IL17F: variants seen among roughly 807,000 people sequenced by gnomAD.
IL17F encodes interleukin-17F.
A neutral mutation model predicts 8.3 loss-of-function variants in IL17F; 6 were observed. The ratio of observed to expected loss-of-function variants is 0.73; its 90% CI spans 0.40 to 1.43. IL17F has a LOEUF of 1.43. Among genes scored for constraint, IL17F ranks in the 40% most tolerant of loss-of-function variants. IL17F has a pLI of 0.02. For missense variants in IL17F, 204 were observed against 209.6 expected, an observed-to-expected ratio of 0.97 and a Z score of 0.17; for synonymous variants, 98 against 81.6, an observed-to-expected ratio of 1.20 and a Z score of -1.08.
upstream of IL17F, chr6:52,244,666 G>T: frequency 1.8e-6 from 1 of 559,264 alleles, no homozygotes; most frequent in Non-Finnish European, 3.2e-6. Flanking sequence ...CTAAAGAAAG[G>T]GATGACAGGA....
chr6:52,238,999 T>A (rs1372833516), intron 1 of IL17F, 49 bp from the exon 2 acceptor site: 23 of 1,482,932 alleles, frequency 1.6e-5, no homozygotes, highest in Non-Finnish European at 2.1e-5. Context: ...CCTCACCTAC[T>A]AGCAAGAGAT....
At chr6:52,242,399 C>T (rs1354858898) in intron 1 of IL17F, among the ~76,000 whole-genome samples, 3 of 152,216 alleles carry the variant, frequency 2.0e-5, no homozygotes, top group African/African-American at 7.2e-5. Context: ...GAGAATTTGC[C>T]TCAACTACTT....
At chr6:52,241,777 G>A (rs916478040) in intron 1 of IL17F, among the ~76,000 whole-genome samples, 1 of 152,162 alleles carries the variant, frequency 6.6e-6, no homozygotes, top group Non-Finnish European at 1.5e-5. Flanking sequence ...TAACTTGATT[G>A]GGTTCACCAG....
chr6:52,244,308 G>A, intron 1 of IL17F, 89 bp downstream of exon 1: 2 of 1,234,382 alleles, frequency 1.6e-6, no homozygotes, highest in Non-Finnish European at 2.4e-6. Flanking sequence ...ATTCCAAAAA[G>A]ACCCCAATCA....
chr6:52,240,869 G>A (rs9382084), intron 1 of IL17F, among the ~76,000 whole-genome samples: 2 of 150,646 alleles, frequency 1.3e-5, no homozygotes, highest in African/African-American at 2.5e-5. Flanking sequence ...TCTTAGAAGC[G>A]ATGACTCTGT....
At chr6:52,244,217 T>G (rs1764122258) in intron 1 of IL17F, among the ~76,000 whole-genome samples, 180 bp downstream of exon 1, 1 of 152,198 alleles carries the variant, frequency 6.6e-6, no homozygotes, top group African/African-American at 2.4e-5. Flanking sequence ...TTTATGCCAT[T>G]ATAACTTTTC....
At chr6:52,244,043 G>A (rs942267146) in intron 1 of IL17F, among the ~76,000 whole-genome samples, 1 of 152,082 alleles carries the variant, frequency 6.6e-6, no homozygotes, top group Non-Finnish European at 1.5e-5. Flanking sequence ...ACAGGCGTGA[G>A]CCACCAGGCT....
At chr6:52,245,404 A>G (rs1764143989), upstream of IL17F, among the ~76,000 whole-genome samples, 1 of 152,210 alleles carries the variant, frequency 6.6e-6, no homozygotes, top group Admixed American at 6.5e-5. Flanking sequence ...CTTGAGTTTG[A>G]TTAGGCTTGA....
upstream of IL17F, chr6:52,244,530 G>A (rs1764129039): frequency 1.8e-6 from 2 of 1,125,290 alleles, no homozygotes; most frequent in Non-Finnish European, 2.7e-6. Context: ...TAGTTTTATA[G>A]CAATCATTGC....
chr6:52,237,181 C>T lies in IL17F; in HGVS notation c.255-13G>A, dbSNP rs761606944. Reference sequence around the variant, plus strand: ...GTCCCAAGTGACACTGCAGGAGGAGCAAGCCAAAGCACAATGGTGAGGCAT... The same window carrying T: ...GTCCCAAGTGACACTGCAGGAGGAGTAAGCCAAAGCACAATGGTGAGGCAT... On this transcript the variant is annotated splice_polypyrimidine_tract_variant and intron_variant, in intron 2 of 2. Coordinates refer to ENST00000336123, the MANE Select transcript of IL17F (RefSeq NM_052872.4). The T allele has an allele frequency of 2.5e-6, 4 of 1,596,360 alleles. No homozygotes were observed. Among genetic ancestry groups the T allele is most frequent in the Non-Finnish European group, 2.6e-6 (3 of 1,164,430 alleles).
intron 1 of IL17F, 34 bp downstream of exon 1, chr6:52,244,363 C>T: frequency 1.2e-6 from 2 of 1,605,686 alleles, no homozygotes; most frequent in South Asian, 1.1e-5. Context: ...CTAGGCATGA[C>T]AGTCCTTAAA....
intron 1 of IL17F, among the ~76,000 whole-genome samples, chr6:52,243,480 A>G (rs1285727541): frequency 6.6e-6 from 1 of 152,160 alleles, no homozygotes; most frequent in East Asian, 1.9e-4. Flanking sequence ...CAAAGTCAAC[A>G]CTGGGTGATT....
rs1582259225 is a variant in IL17F, at chr6:52,236,709, T to C, written c.*222A>G. ...TTAAATTATTAATACTTTATTATAT[T>C]AGCACTGAATATATTAATTTTTCTC... On this transcript the variant is annotated 3_prime_UTR_variant, in exon 3 of 3. Coordinates refer to ENST00000336123, the MANE Select transcript of IL17F (RefSeq NM_052872.4). The C allele has an allele frequency of 1.8e-6, 1 of 549,410 alleles. No homozygotes were observed. Among genetic ancestry groups the C allele is most frequent in the African/African-American group, 1.9e-5 (1 of 52,940 alleles). 34.0% of individuals were successfully genotyped at this position (549,410 alleles called of 1,614,324 possible).
rs901898355 is a variant in IL17F at position 52,237,104 on chromosome 6, A to G, written c.319T>C (p.Cys107Arg). The change falls in exon 3 of 3, where the codon TGC (cysteine) becomes CGC (arginine). Residue 107 changes from cysteine (C) to arginine (R), a missense_variant. Cys to Arg is a radical substitution (Grantham distance 180, BLOSUM62 -3). Coordinates refer to ENST00000336123, the MANE Select transcript of IL17F (RefSeq NM_052872.4). ...VVQAQCRNLG[C>R]INAQGKEDIS... is the part of the protein sequence containing the mutation. Reference sequence around the variant, plus strand: ...TCTTCCTTTCCTTGAGCATTGATGCAGCCCAAGTTCCTACACTGGGCCTGT... The same window carrying G: ...TCTTCCTTTCCTTGAGCATTGATGCGGCCCAAGTTCCTACACTGGGCCTGT... 6.2e-7 allele frequency: 1 copy of G among 1,614,222 alleles called. No individual in the cohort carries two copies. Among genetic ancestry groups the G allele is most frequent in the Non-Finnish European group, 8.5e-7 (1 of 1,180,034 alleles).
At chr6:52,239,116 CA>C (rs2128267894) in intron 1 of IL17F, 166 bp from the exon 2 acceptor site, 2 of 669,406 alleles carry the variant, frequency 3.0e-6, no homozygotes, top group East Asian at 5.5e-5. Context: ...CTAAAGGTAT[CA>C]AGGTGCCAAA....
chr6:52,242,861 A>G (rs903571176), intron 1 of IL17F, among the ~76,000 whole-genome samples: 6 of 150,110 alleles, frequency 4.0e-5, no homozygotes, highest in Non-Finnish European at 7.4e-5. Context: ...TAGAATGGCC[A>G]AATTAACTGA....
At chr6:52,240,885 C>CAA (rs58169108) in intron 1 of IL17F, among the ~76,000 whole-genome samples, 4,663 of 138,814 alleles carry the variant, frequency 0.034, 162 homozygotes, top group African/African-American at 0.091. Context: ...TCTGTTTCCT[C>CAA]AAAAAAAAAA....
At chr6:52,240,337 TGAG>T (rs1427803769) in intron 1 of IL17F, among the ~76,000 whole-genome samples, 1 of 148,718 alleles carries the variant, frequency 6.7e-6, no homozygotes. Context: ...CTCGGGAGGC[TGAG>T]GCAGGAGAAT....
intron 1 of IL17F, chr6:52,239,217 C>T (rs924325904): frequency 8.7e-6 from 4 of 462,396 alleles, no homozygotes; most frequent in African/African-American, 5.9e-5. Flanking sequence ...ATGCAAGGGT[C>T]TGAGATTGAG....
Sources: gnomAD v4.1 joint callset for allele counts (sites outside exome capture counted in the v4.1 genomes callset) on GRCh38, gnomAD v4.1.1 for gene constraint, MANE v1.5 for transcripts, NCBI Gene and HGNC (gene_info 2026-07-23, HGNC 2026-07-21) for gene names.